CBFA2T2: variants seen among roughly 807,000 people sequenced by gnomAD.
CBFA2T2 encodes the protein protein CBFA2T2.
A neutral mutation model predicts 62.2 loss-of-function variants in CBFA2T2; 11 were observed. The ratio of observed to expected loss-of-function variants is 0.18; its 90% CI spans 0.11 to 0.29. CBFA2T2 has a LOEUF of 0.29. CBFA2T2 is among the 10% of genes least tolerant of loss of function. CBFA2T2 has a pLI of 1.00. For missense variants in CBFA2T2, 592 were observed against 774.1 expected (o/e 0.76, Z 2.79); for synonymous variants, 295 against 287.5 (o/e 1.03, Z -0.27).
rs1299069333 is a variant in CBFA2T2 at position 33,594,012 on chromosome 20, A to G, written c.35-12944A>G. The stretch of plus-strand genomic sequence containing the variant: ...TAGAAGAGTTCAGGTCTGTGGGAAG[A>G]TCTGTTTTAGGTTTTAAATCAGCAC... On this transcript the variant is annotated intron_variant, in intron 1 of 10. Coordinates refer to ENST00000342704, the MANE Select transcript of CBFA2T2 (RefSeq NM_001032999.3). Among the ~76,000 whole-genome samples, 8 of 152,150 alleles carry G rather than the reference A, an allele frequency of 5.3e-5. No homozygotes were observed. In the East Asian group the frequency reaches 1.5e-3, roughly 29 times the overall value.
intron 1 of CBFA2T2, among the ~76,000 whole-genome samples, chr20:33,552,271 A>G (rs970564530): frequency 1.3e-5 from 2 of 152,208 alleles, no homozygotes. Context: ...CAATGATGTT[A>G]TGAGACTACA....
chr20:33,508,155 C>T lies in CBFA2T2; in HGVS notation c.34+17854C>T, dbSNP rs369814689. Among the ~76,000 whole-genome samples the T allele has an allele frequency of 3.3e-5, 5 of 152,046 alleles. No individual in the cohort carries two copies. In the East Asian group the frequency reaches 7.7e-4, roughly 24 times the overall value. ...TCTGGCCCAGGCTAGAGTGCAGTGG[C>T]GCAATCTCAGCCCACTGCAACCTCC... On this transcript the variant is annotated intron_variant, in intron 1 of 10. Transcript: ENST00000342704.
chr20:33,537,173 G>A (rs888527319), intron 1 of CBFA2T2, among the ~76,000 whole-genome samples: 7 of 152,244 alleles, frequency 4.6e-5, no homozygotes, highest in Admixed American at 2.0e-4. Flanking sequence ...CCGAGATCAC[G>A]CCACTGCATT....
intron 1 of CBFA2T2, among the ~76,000 whole-genome samples, chr20:33,514,431 A>G (rs1307286338): frequency 6.6e-6 from 1 of 151,568 alleles, no homozygotes; most frequent in Non-Finnish European, 1.5e-5. Context: ...GGAGAGGAGC[A>G]GTCCAGGCAA....
intron 1 of CBFA2T2, among the ~76,000 whole-genome samples, chr20:33,555,274 A>G (rs922284685): frequency 2.0e-5 from 3 of 152,186 alleles, no homozygotes; most frequent in Non-Finnish European, 2.9e-5. Flanking sequence ...CCAATTTAAA[A>G]AAAAAAAAAC....
intron 1 of CBFA2T2, among the ~76,000 whole-genome samples, chr20:33,506,302 A>G (rs2011402035): frequency 6.6e-6 from 1 of 152,146 alleles, no homozygotes; most frequent in South Asian, 2.1e-4. Context: ...AAGCAATTTA[A>G]TACAAGAGCT....
intron 1 of CBFA2T2, among the ~76,000 whole-genome samples, chr20:33,504,473 GCTCACGGCAGC>G (rs201091153): frequency 0.019 from 2,771 of 149,286 alleles, 195 homozygotes; most frequent in Admixed American, 0.14. Flanking sequence ...CAGTGGCATG[GCTCACGGCAGC>G]CTCCGCCTCC....
intron 1 of CBFA2T2, among the ~76,000 whole-genome samples, chr20:33,589,355 A>G (rs950134747): frequency 2.6e-5 from 4 of 152,100 alleles, no homozygotes; most frequent in African/African-American, 7.2e-5. Context: ...GTAATAAAGC[A>G]CTCCATTTGT....
At chr20:33,497,498 G>A (rs1189205786) in intron 1 of CBFA2T2, among the ~76,000 whole-genome samples, 1 of 149,210 alleles carries the variant, frequency 6.7e-6, no homozygotes, top group African/African-American at 2.5e-5. Context: ...CCTTACTGGA[G>A]TATGCCATGT....
intron 1 of CBFA2T2, among the ~76,000 whole-genome samples, chr20:33,592,808 GAACT>G (rs2014721596): frequency 6.6e-6 from 1 of 151,948 alleles, no homozygotes; most frequent in African/African-American, 2.4e-5. Context: ...AAAAATACAT[GAACT>G]ATTAATGAGT....
intron 1 of CBFA2T2, among the ~76,000 whole-genome samples, chr20:33,517,758 A>T (rs1387412411): frequency 1.3e-5 from 2 of 148,440 alleles, no homozygotes; most frequent in Non-Finnish European, 3.0e-5. Flanking sequence ...AATTCTCCTG[A>T]CTCAGCCTCC....
intron 1 of CBFA2T2, among the ~76,000 whole-genome samples, chr20:33,557,681 A>AT (rs1214267928): frequency 6.6e-6 from 1 of 151,140 alleles, no homozygotes; most frequent in Non-Finnish European, 1.5e-5. Flanking sequence ...TAATTTTGTA[A>AT]TTTTTTGTAG....
chr20:33,589,832 C>G lies in CBFA2T2; in HGVS notation c.35-17124C>G, dbSNP rs544679571. On this transcript the variant is annotated intron_variant, in intron 1 of 10. Coordinates refer to ENST00000342704, the MANE Select transcript of CBFA2T2 (RefSeq NM_001032999.3). ...TATGTAATTTTAAATATTCTTGTAA[C>G]CTTATTTTTTAAAAAAGAAACAGGT... 2.6e-5 allele frequency among the ~76,000 whole-genome samples: 4 copies of G among 152,060 alleles called. No homozygotes were observed. The East Asian group carries it at 7.7e-4, about 29-fold the overall frequency.
intron 3 of CBFA2T2, among the ~76,000 whole-genome samples, chr20:33,618,130 G>A (rs2122318281): frequency 6.8e-6 from 1 of 147,828 alleles, no homozygotes; most frequent in African/African-American, 2.5e-5. Context: ...CATGACTCTT[G>A]TAATTTTAAT....
At chr20:33,513,276 TG>T (rs1457606243) in intron 1 of CBFA2T2, among the ~76,000 whole-genome samples, 2 of 152,146 alleles carry the variant, frequency 1.3e-5, no homozygotes, top group Non-Finnish European at 2.9e-5. Context: ...GAAGAGCCTC[TG>T]CTTTGTGAGA....
At chr20:33,643,793 AT>A (rs2016941787) in intron 10 of CBFA2T2, among the ~76,000 whole-genome samples, 3 of 27,588 alleles carry the variant, frequency 1.1e-4, no homozygotes, top group African/African-American at 3.6e-4. Context: ...ATATATATAT[AT>A]ATATATATAT....
rs1056078090 is a variant in CBFA2T2 at position 33,649,211 on chromosome 20, A to C, written c.*4565A>C. On this transcript the variant is annotated 3_prime_UTR_variant, in exon 11 of 11. Transcript: ENST00000342704. ...AGAAAACTGGGTGGTAGCGTGTCTG[A>C]ACCAAACGGAAGAATAGCCAGCGGA... The C allele has an allele frequency of 6.6e-6, 1 of 152,164 alleles. No homozygotes were observed. The highest frequency in any genetic ancestry group is 2.4e-5 in the African/African-American group (1 of 41,402). The allele number at this position is 152,164 out of a possible 1,614,324, so 9.4% of individuals were successfully genotyped here.
At chr20:33,622,974 C>T (rs2016049879) in intron 4 of CBFA2T2, 141 bp from the exon 5 acceptor site, 3 of 713,350 alleles carry the variant, frequency 4.2e-6, no homozygotes, top group Non-Finnish European at 7.0e-6. Flanking sequence ...ATCATTGACT[C>T]ACAGAAGAAG....
chr20:33,595,491 T>C (rs953200594), intron 1 of CBFA2T2, among the ~76,000 whole-genome samples: 2 of 152,160 alleles, frequency 1.3e-5, no homozygotes, highest in South Asian at 4.1e-4. Flanking sequence ...ATTACAGGCA[T>C]GAGCCACTGT....
Sources: gnomAD v4.1 joint callset for allele counts (sites outside exome capture counted in the v4.1 genomes callset) on GRCh38, gnomAD v4.1.1 for gene constraint, MANE v1.5 for transcripts, NCBI Gene and HGNC (gene_info 2026-07-23, HGNC 2026-07-21) for gene names.